Variants in STXBP5L observed in about 807,000 individuals in gnomAD.
STXBP5L encodes syntaxin-binding protein 5-like.
A neutral mutation model predicts 144.5 loss-of-function variants in STXBP5L; 65 were observed. That is an observed-to-expected ratio of 0.45 (90% confidence interval 0.37 to 0.55). The LOEUF is 0.55. Among genes scored for constraint, STXBP5L ranks in the 20% least tolerant of loss-of-function variants. STXBP5L has a pLI of 0.00. For missense variants in STXBP5L, 1,298 were observed against 1,405.5 expected (o/e 0.92, Z 1.22); for synonymous variants, 505 against 469.6 (o/e 1.08, Z -0.97).
chr3:121,159,289 A>G (rs2046229993), intron 9 of STXBP5L, among the ~76,000 whole-genome samples: 1 of 151,984 alleles, frequency 6.6e-6, no homozygotes, highest in Admixed American at 6.6e-5. Context: ...TTAGTTATTT[A>G]GACATGTGCT....
intron 5 of STXBP5L, among the ~76,000 whole-genome samples, chr3:121,098,097 A>T (rs2043222457): frequency 1.3e-5 from 2 of 152,288 alleles, no homozygotes; most frequent in Admixed American, 6.5e-5. Context: ...TACGGTACTG[A>T]TATCAAGAAA....
intron 25 of STXBP5L, among the ~76,000 whole-genome samples, chr3:121,416,836 A>C (rs1441204065): frequency 6.6e-6 from 1 of 152,122 alleles, no homozygotes; most frequent in Non-Finnish European, 1.5e-5. Flanking sequence ...ATAGGAAGAT[A>C]CTAGGGAAAA....
intron 3 of STXBP5L, among the ~76,000 whole-genome samples, chr3:120,956,056 T>G (rs1488059448): frequency 6.6e-6 from 1 of 151,426 alleles, no homozygotes; most frequent in Non-Finnish European, 1.5e-5. Context: ...GAAATTTGAC[T>G]TGTTTCTGGT....
At chr3:120,961,223 T>A (rs1055514003) in intron 3 of STXBP5L, among the ~76,000 whole-genome samples, 2 of 151,230 alleles carry the variant, frequency 1.3e-5, no homozygotes, top group Non-Finnish European at 2.9e-5. Context: ...GTGATACATC[T>A]CTTTGTTCAC....
intron 15 of STXBP5L, 121 bp from the exon 16 acceptor site, chr3:121,254,774 T>A (rs1330140872): frequency 1.2e-6 from 1 of 840,336 alleles, no homozygotes; most frequent in Non-Finnish European, 1.8e-6. Context: ...CTGGTTAAAA[T>A]GTAATTCACT....
Position 121,212,789 on chromosome 3 carries a change from A to AT in STXBP5L, c.956+6789dup, listed in dbSNP as rs201874852. Among the ~76,000 whole-genome samples the AT allele has an allele frequency of 7.9e-3, 1,198 of 152,282 alleles. 13 individuals carry two copies. The highest frequency in any genetic ancestry group is 0.028 in the African/African-American group (1,155 of 41,572). Reference sequence around the variant, plus strand: ...GCTTGAGGGGGATAGCATTGAATCTATAAAGTATTTTGAGCAGTGTGGCCA... The same window carrying AT: ...GCTTGAGGGGGATAGCATTGAATCTATTAAAGTATTTTGAGCAGTGTGGCCA... On this transcript the variant is annotated intron_variant, in intron 10 of 26. Coordinates refer to ENST00000471454, the MANE Select transcript of STXBP5L (RefSeq NM_001308330.2).
chr3:121,356,763 C>T (rs1256935668), intron 20 of STXBP5L, among the ~76,000 whole-genome samples: 1 of 152,232 alleles, frequency 6.6e-6, no homozygotes, highest in African/African-American at 2.4e-5. Flanking sequence ...AATCACCCAT[C>T]TTCTGTATCA....
intron 3 of STXBP5L, among the ~76,000 whole-genome samples, chr3:120,993,024 T>G (rs899597301): frequency 3.9e-5 from 6 of 152,180 alleles, no homozygotes; most frequent in Non-Finnish European, 1.5e-5. Flanking sequence ...CTCATTGTGG[T>G]TTTGATTTGC....
chr3:121,407,185 C>T, intron 22 of STXBP5L, 58 bp from the exon 23 acceptor site: 1 of 1,509,258 alleles, frequency 6.6e-7, no homozygotes, highest in South Asian at 1.4e-5. Flanking sequence ...AACTTTAATT[C>T]CCTATAGATG....
intron 9 of STXBP5L, among the ~76,000 whole-genome samples, chr3:121,174,527 G>A (rs1392905616): frequency 1.3e-5 from 2 of 152,080 alleles, no homozygotes; most frequent in East Asian, 3.9e-4. Context: ...GAAATCTGGG[G>A]AGAGAAAGGT....
chr3:121,139,100 G>T (rs952871730), intron 7 of STXBP5L, among the ~76,000 whole-genome samples: 1 of 151,970 alleles, frequency 6.6e-6, no homozygotes, highest in Non-Finnish European at 1.5e-5. Flanking sequence ...TCAAGGAGAA[G>T]AAAGGGAGAA....
At chr3:120,916,567 CT>C (rs1709113275) in intron 2 of STXBP5L, among the ~76,000 whole-genome samples, 1 of 152,128 alleles carries the variant, frequency 6.6e-6, no homozygotes, top group Non-Finnish European at 1.5e-5. Flanking sequence ...TCCCAAAGTG[CT>C]GGGATTACAG....
intron 9 of STXBP5L, among the ~76,000 whole-genome samples, chr3:121,167,697 A>G (rs1029584704): frequency 6.6e-6 from 1 of 152,352 alleles, no homozygotes; most frequent in East Asian, 1.9e-4. Flanking sequence ...GCTTACAGAT[A>G]AAACCCTCAT....
chr3:121,102,703 G>T (rs2043493977), intron 5 of STXBP5L, among the ~76,000 whole-genome samples: 1 of 152,074 alleles, frequency 6.6e-6, no homozygotes, highest in African/African-American at 2.4e-5. Flanking sequence ...TGACAAGTGG[G>T]ACCTAATTAA....
At chr3:121,025,056 C>G (rs1467813320) in intron 3 of STXBP5L, among the ~76,000 whole-genome samples, 2 of 152,096 alleles carry the variant, frequency 1.3e-5, no homozygotes, top group Admixed American at 6.6e-5. Flanking sequence ...ACTAAATCAC[C>G]TTGGCAAGGC....
chr3:121,209,756 G>A (rs564527245), intron 10 of STXBP5L, among the ~76,000 whole-genome samples: 83 of 152,180 alleles, frequency 5.5e-4, no homozygotes, highest in African/African-American at 1.5e-3. Flanking sequence ...TACAAAGGAC[G>A]TGAACTCATC....
At chr3:121,197,930 A>G (rs2047984503) in intron 9 of STXBP5L, among the ~76,000 whole-genome samples, 1 of 152,180 alleles carries the variant, frequency 6.6e-6, no homozygotes, top group Admixed American at 6.5e-5. Context: ...AGTTTTTGCT[A>G]TTGTGAATAG....
At chr3:121,219,771 G>C (rs759359701) in intron 10 of STXBP5L, among the ~76,000 whole-genome samples, 3 of 152,006 alleles carry the variant, frequency 2.0e-5, no homozygotes, top group Non-Finnish European at 4.4e-5. Context: ...TCTGTTAAAT[G>C]GAGATAATAA....
intron 5 of STXBP5L, among the ~76,000 whole-genome samples, chr3:121,071,993 T>G (rs1171787962): frequency 6.6e-6 from 1 of 152,242 alleles, no homozygotes; most frequent in African/African-American, 2.4e-5. Flanking sequence ...AGTGTCTGGT[T>G]CATTCTTTTA....
Sources: gnomAD v4.1 joint callset for allele counts (sites outside exome capture counted in the v4.1 genomes callset) on GRCh38, gnomAD v4.1.1 for gene constraint, MANE v1.5 for transcripts, NCBI Gene and HGNC (gene_info 2026-07-23, HGNC 2026-07-21) for gene names.